Variants in THSD7B observed in about 807,000 individuals in gnomAD.
THSD7B encodes the protein thrombospondin type 1 domain containing 7B.
In THSD7B, 138 loss-of-function variants were observed where a neutral mutation model predicts 213.6. The observed-to-expected ratio is 0.65, with a 90% CI of 0.56 to 0.74. The LOEUF (loss-of-function observed/expected upper bound fraction) is 0.74. Among genes scored for constraint, THSD7B ranks in the 30% least tolerant of loss-of-function variants. The pLI, the probability that THSD7B is intolerant of heterozygous loss-of-function variation, is 0.00. For synonymous variants in THSD7B, 742 were observed against 687.0 expected, an observed-to-expected ratio of 1.08 and a Z score of -1.25; for missense variants, 1,931 against 1,991.5, an observed-to-expected ratio of 0.97 and a Z score of 0.58.
At chr2:136,830,828 G>T (rs376910142) in intron 1 of THSD7B, among the ~76,000 whole-genome samples, 1 of 152,148 alleles carries the variant, frequency 6.6e-6, no homozygotes, top group East Asian at 1.9e-4. Context: ...TGCTTAGTGC[G>T]TGCTATTATT....
At chr2:136,922,386 T>G (rs150704881) in intron 2 of THSD7B, among the ~76,000 whole-genome samples, 1 of 152,344 alleles carries the variant, frequency 6.6e-6, no homozygotes, top group African/African-American at 2.4e-5. Flanking sequence ...AGCTTGCCAT[T>G]TCCATTTTTC....
At chr2:137,113,959 T>C (rs1038097540) in intron 4 of THSD7B, among the ~76,000 whole-genome samples, 5 of 152,222 alleles carry the variant, frequency 3.3e-5, no homozygotes, top group African/African-American at 1.2e-4. Flanking sequence ...GATTCTCAGC[T>C]GATTCTTAGC....
chr2:137,046,724 C>G (rs1247372368), intron 2 of THSD7B, among the ~76,000 whole-genome samples: 3 of 141,416 alleles, frequency 2.1e-5, no homozygotes, highest in Non-Finnish European at 3.1e-5. Flanking sequence ...GAGTGAAACT[C>G]CGTCTCAAAA....
intron 17 of THSD7B, among the ~76,000 whole-genome samples, chr2:137,584,388 G>A (rs1353557369): frequency 6.6e-6 from 1 of 152,196 alleles, no homozygotes; most frequent in African/African-American, 2.4e-5. Context: ...TACGAGTGGT[G>A]TGAGAGGACA....
intron 15 of THSD7B, among the ~76,000 whole-genome samples, chr2:137,546,347 C>A (rs1680706874): frequency 1.3e-5 from 1 of 74,090 alleles, no homozygotes; most frequent in Non-Finnish European, 2.6e-5. Flanking sequence ...GTATTGAAGT[C>A]AGCATATATA....
At chr2:137,135,480 A>G (rs943180854) in intron 5 of THSD7B, among the ~76,000 whole-genome samples, 2 of 152,136 alleles carry the variant, frequency 1.3e-5, no homozygotes, top group African/African-American at 4.8e-5. Flanking sequence ...CTGCATTGAG[A>G]TTCCTGCAAA....
intron 17 of THSD7B, among the ~76,000 whole-genome samples, chr2:137,607,539 G>C (rs903253065): frequency 6.6e-6 from 1 of 152,094 alleles, no homozygotes; most frequent in Non-Finnish European, 1.5e-5. Flanking sequence ...GTTCTCATGG[G>C]TCGCAATAAT....
chr2:137,321,814 C>T (rs768118354), intron 12 of THSD7B, among the ~76,000 whole-genome samples: 2 of 152,184 alleles, frequency 1.3e-5, no homozygotes, highest in Non-Finnish European at 2.9e-5. Context: ...TCAGTCCATG[C>T]TGAATTTCAT....
rs767186529 is a variant in THSD7B at position 137,232,909 on chromosome 2, A to G, written c.1926A>G (p.Pro642=). 25 of 1,613,888 alleles carry G rather than the reference A, an allele frequency of 1.5e-5. No homozygotes were observed. The South Asian group carries it at 1.8e-4, about 11-fold the overall frequency. The change falls in exon 9 of 28, where the codon CCA becomes CCG. Residue 642 remains proline (P), a synonymous_variant. Transcript: ENST00000409968. ...ILALAGEGGK[P]CPPSQALQEH... is the part of the protein sequence containing the mutation. ...TCTTATTTTTGGCAGGTGGAAAGCCATGTCCCCCTAGTCAGGCTCTCCAAG... is the reference window on the plus strand; with the variant it reads ...TCTTATTTTTGGCAGGTGGAAAGCCGTGTCCCCCTAGTCAGGCTCTCCAAG...
At chr2:136,838,585 C>T (rs566471538) in intron 1 of THSD7B, among the ~76,000 whole-genome samples, 10 of 152,194 alleles carry the variant, frequency 6.6e-5, no homozygotes, top group South Asian at 4.1e-4. Context: ...TTTAATTTTT[C>T]GCTTTTACAT....
intron 1 of THSD7B, among the ~76,000 whole-genome samples, chr2:136,765,959 A>T (rs1004964333): frequency 2.6e-5 from 4 of 152,180 alleles, no homozygotes; most frequent in Non-Finnish European, 4.4e-5. Context: ...GGGACGCCCC[A>T]CGCGGCGACC....
intron 3 of THSD7B, among the ~76,000 whole-genome samples, chr2:137,077,319 A>G (rs993049241): frequency 2.6e-5 from 4 of 152,170 alleles, no homozygotes; most frequent in African/African-American, 9.7e-5. Context: ...AGCATGTTTT[A>G]TAATCCTTTG....
chr2:137,152,865 C>T (rs1234113764), intron 5 of THSD7B, among the ~76,000 whole-genome samples: 1 of 152,150 alleles, frequency 6.6e-6, no homozygotes, highest in Non-Finnish European at 1.5e-5. Context: ...GTACCTGCCT[C>T]TCTGCCTTTT....
rs1175780398 is a variant in THSD7B, at chr2:137,334,162, TTCTCTCTTTCTCTC to T, written c.2500+58144_2500+58157del. On this transcript the variant is annotated intron_variant, in intron 12 of 27. Transcript: ENST00000409968. ...GGTTCCAAATCATTCATTTCTTTCT[TTCTCTCTTTCTCTC>T]TCTCTCTCTCTCTCTCTCTCTCTCT... is the stretch of plus-strand genomic sequence containing the variant. Among the ~76,000 whole-genome samples, 35 of 87,004 alleles carry T rather than the reference TTCTCTCTTTCTCTC, an allele frequency of 4.0e-4. 1 individual carries two copies. Among genetic ancestry groups the T allele is most frequent in the African/African-American group, 1.1e-3 (30 of 27,330 alleles). The allele number at this position is 87,004 out of a possible 152,430, so 57.1% of individuals were successfully genotyped here.
At chr2:137,529,757 C>T (rs181296174) in intron 15 of THSD7B, among the ~76,000 whole-genome samples, 1 of 151,830 alleles carries the variant, frequency 6.6e-6, no homozygotes, top group African/African-American at 2.4e-5. Flanking sequence ...GATATTATAC[C>T]TGTCTTCCCT....
At chr2:137,187,831 A>G (rs1329505617) in intron 7 of THSD7B, among the ~76,000 whole-genome samples, 4 of 152,060 alleles carry the variant, frequency 2.6e-5, no homozygotes, top group Middle Eastern at 3.4e-3. Flanking sequence ...TTTTTTCTCA[A>G]TCTGGCTAAT....
chr2:137,005,705 A>ATTT (rs1204042596), intron 2 of THSD7B, among the ~76,000 whole-genome samples: 1 of 152,134 alleles, frequency 6.6e-6, no homozygotes, highest in Non-Finnish European at 1.5e-5. Flanking sequence ...AGAAAAACTT[A>ATTT]TTTTTTCTAA....
intron 12 of THSD7B, among the ~76,000 whole-genome samples, chr2:137,394,951 T>C (rs879467072): frequency 2.0e-5 from 3 of 147,640 alleles, no homozygotes; most frequent in Admixed American, 6.7e-5. Context: ...ACTCATGATT[T>C]GGCTCTCTGT....
chr2:137,372,088 G>A (rs1052446540), intron 12 of THSD7B, among the ~76,000 whole-genome samples: 1 of 152,112 alleles, frequency 6.6e-6, no homozygotes, highest in African/African-American at 2.4e-5. Context: ...TGGCTGGACT[G>A]TTCAGTTGAA....
Sources: allele counts gnomAD v4.1 joint callset (sites outside exome capture counted in the v4.1 genomes callset), GRCh38; gene constraint gnomAD v4.1.1; transcripts MANE v1.5; gene names NCBI Gene and HGNC (gene_info 2026-07-23, HGNC 2026-07-21).